CALD1: variants seen among roughly 807,000 people sequenced by gnomAD.
CALD1 encodes caldesmon 1.
A neutral mutation model predicts 99.9 loss-of-function variants in CALD1; 33 were observed. The ratio of observed to expected loss-of-function variants is 0.33; its 90% CI spans 0.25 to 0.44. CALD1 has a LOEUF of 0.44. Among genes scored for constraint, CALD1 ranks in the 20% least tolerant of loss-of-function variants. The pLI, the probability that CALD1 is intolerant of heterozygous loss-of-function variation, is 1.00. For missense variants in CALD1, 861 were observed against 962.1 expected (o/e 0.89, Z 1.39); for synonymous variants, 310 against 325.0 (o/e 0.95, Z 0.50).
chr7:134,915,757 C>A (rs1379077620), intron 3 of CALD1, among the ~76,000 whole-genome samples: 1 of 152,130 alleles, frequency 6.6e-6, no homozygotes, highest in African/African-American at 2.4e-5. Context: ...TTATAGGGGT[C>A]TTCTATTAAC....
intron 3 of CALD1, among the ~76,000 whole-genome samples, chr7:134,914,968 G>T (rs1042819699): frequency 6.6e-6 from 1 of 152,218 alleles, no homozygotes; most frequent in Non-Finnish European, 1.5e-5. Flanking sequence ...CTTGGTTTCT[G>T]CCCTCACTGG....
chr7:134,776,800 A>T (rs75181251), upstream of CALD1, among the ~76,000 whole-genome samples: 5,086 of 152,250 alleles, frequency 0.033, 202 homozygotes, highest in East Asian at 0.15. Context: ...ATTTTGAATT[A>T]AAAAAATGGC....
the CALD1 span, among the ~76,000 whole-genome samples, chr7:134,719,669 T>A: frequency 2.0e-5 from 3 of 152,264 alleles, no homozygotes; most frequent in African/African-American, 7.2e-5. Context: ...CATTGTCCGA[T>A]ATGTGTTTGT....
At chr7:134,904,558 G>A (rs1429938992) in intron 3 of CALD1, among the ~76,000 whole-genome samples, 8 of 151,930 alleles carry the variant, frequency 5.3e-5, no homozygotes, top group Non-Finnish European at 1.0e-4. Flanking sequence ...CAGTGAGATG[G>A]TGTCTTAAAA....
chr7:134,840,259 T>C (rs1270285139), intron 1 of CALD1, among the ~76,000 whole-genome samples: 3 of 152,180 alleles, frequency 2.0e-5, no homozygotes, highest in African/African-American at 2.4e-5. Flanking sequence ...TTTTTCCATA[T>C]AGATATTCAT....
chr7:134,876,188 G>A (rs187972478), intron 3 of CALD1, among the ~76,000 whole-genome samples: 91 of 152,224 alleles, frequency 6.0e-4, no homozygotes, highest in Non-Finnish European at 1.2e-3. Flanking sequence ...ATGAACCTCC[G>A]TCCGCAGACC....
intron 3 of CALD1, among the ~76,000 whole-genome samples, chr7:134,876,435 A>G (rs1407833560): frequency 6.6e-6 from 1 of 152,228 alleles, no homozygotes; most frequent in Non-Finnish European, 1.5e-5. Flanking sequence ...AGTGTATTCT[A>G]CAATGTACTG....
intron 3 of CALD1, among the ~76,000 whole-genome samples, chr7:134,892,748 A>C (rs1458884025): frequency 3.9e-5 from 6 of 152,152 alleles, no homozygotes; most frequent in African/African-American, 1.4e-4. Context: ...ATTTAATCTT[A>C]AGGGGAACGC....
In CALD1 at chr7:134,958,260, C is replaced by T; in HGVS notation, c.2031C>T (p.Ser677=). The change falls in exon 11 of 15, where the codon AGC becomes AGT. Residue 677 remains serine (S), a synonymous_variant. Transcript: ENST00000361675. ...CAGCAATAGTCTCCAAGATTGACAGCAGACTGGAGCAGTATACCAGTGCAA... is the reference window on the plus strand; with the variant it reads ...CAGCAATAGTCTCCAAGATTGACAGTAGACTGGAGCAGTATACCAGTGCAA... ...HQAAIVSKID[S]RLEQYTSAIE... 3 of 1,613,916 alleles carry T rather than the reference C, an allele frequency of 1.9e-6. 1 individual carries two copies. Among genetic ancestry groups the T allele is most frequent in the African/African-American group, 2.7e-5 (2 of 74,992 alleles).
At chr7:134,726,691 T>C in the CALD1 span, among the ~76,000 whole-genome samples, 1 of 151,968 alleles carries the variant, frequency 6.6e-6, no homozygotes, top group African/African-American at 2.4e-5. Context: ...GGCTTTATAA[T>C]TGCAAACAAC....
intron 1 of CALD1, among the ~76,000 whole-genome samples, chr7:134,811,441 T>C (rs538147300): frequency 6.6e-6 from 1 of 152,288 alleles, no homozygotes; most frequent in Admixed American, 6.5e-5. Context: ...CCTGCTCACA[T>C]CTCACCAATC....
At chr7:134,735,224 G>T in the CALD1 span, 6 of 152,446 alleles carry the variant, frequency 3.9e-5, no homozygotes, top group African/African-American at 1.4e-4. Context: ...GATGGTTGGT[G>T]TCAGGTAGAG....
chr7:134,918,780 G>A (rs1804404012), intron 3 of CALD1, among the ~76,000 whole-genome samples: 1 of 152,190 alleles, frequency 6.6e-6, no homozygotes, highest in Non-Finnish European at 1.5e-5. Context: ...CAGATTGCTT[G>A]AGCTCAGGAG....
At chr7:134,805,715 C>T (rs559860260) in intron 1 of CALD1, among the ~76,000 whole-genome samples, 1 of 152,264 alleles carries the variant, frequency 6.6e-6, no homozygotes, top group African/African-American at 2.4e-5. Context: ...AGTTATCTTT[C>T]TTCCCATGGC....
At chr7:134,890,049 C>G (rs534816904) in intron 3 of CALD1, among the ~76,000 whole-genome samples, 1 of 152,240 alleles carries the variant, frequency 6.6e-6, no homozygotes, top group Non-Finnish European at 1.5e-5. Flanking sequence ...GCTGGGACTA[C>G]AGGCACCTGC....
chr7:134,894,157 G>A (rs1433412086), intron 3 of CALD1, among the ~76,000 whole-genome samples: 1 of 152,162 alleles, frequency 6.6e-6, no homozygotes, highest in Non-Finnish European at 1.5e-5. Context: ...TATGGGGGAG[G>A]CTTGTGTAGC....
intron 5 of CALD1, among the ~76,000 whole-genome samples, chr7:134,935,022 G>C (rs1805849451): frequency 6.6e-6 from 1 of 152,248 alleles, no homozygotes; most frequent in South Asian, 2.1e-4. Flanking sequence ...GTAGACCTCA[G>C]CTTAATGTAG....
chr7:134,769,336 T>C (rs959331869), intron 1 of CALD1, among the ~76,000 whole-genome samples: 2 of 152,192 alleles, frequency 1.3e-5, no homozygotes, highest in Admixed American at 6.5e-5. Flanking sequence ...GTCAAATCAC[T>C]CAACAAAGTG....
chr7:134,865,380 C>T (rs921305250), intron 2 of CALD1, among the ~76,000 whole-genome samples: 1 of 151,986 alleles, frequency 6.6e-6, no homozygotes, highest in African/African-American at 2.4e-5. Context: ...AGAGTCATAC[C>T]ACATGGTACA....
Sources: allele counts gnomAD v4.1 joint callset (sites outside exome capture counted in the v4.1 genomes callset), GRCh38; gene constraint gnomAD v4.1.1; transcripts MANE v1.5; gene names NCBI Gene and HGNC (gene_info 2026-07-23, HGNC 2026-07-21).